The following SFMBT1 variants were observed in gnomAD, a reference collection of about 807,000 sequenced individuals.
The protein encoded by SFMBT1 is scm-like with four MBT domains protein 1.
Under a neutral mutation model 108.7 loss-of-function variants are expected in SFMBT1, and 32 were observed. The observed-to-expected ratio is 0.29, with a 90% confidence interval of 0.22 to 0.40. SFMBT1 has a LOEUF of 0.40. SFMBT1 is among the 10% of genes least tolerant of loss of function. The pLI is 1.00. For synonymous variants in SFMBT1, 348 were observed against 369.5 expected (o/e 0.94, Z 0.67); for missense variants, 816 against 1,059.6 (o/e 0.77, Z 3.19).
chr3:52,979,164 T>C (rs546579316), intron 1 of SFMBT1, among the ~76,000 whole-genome samples: 1 of 151,480 alleles, frequency 6.6e-6, no homozygotes, highest in East Asian at 1.9e-4. Flanking sequence ...TGCTTTTAAA[T>C]AACATTTCAA....
At chr3:53,019,811 A>G (rs533463285) in intron 1 of SFMBT1, among the ~76,000 whole-genome samples, 2 of 152,346 alleles carry the variant, frequency 1.3e-5, no homozygotes, top group African/African-American at 4.8e-5. Flanking sequence ...ATCATGACAC[A>G]AACCTACTTA....
At chr3:53,029,934 C>A (rs1188833811) in intron 1 of SFMBT1, among the ~76,000 whole-genome samples, 9 of 150,950 alleles carry the variant, frequency 6.0e-5, no homozygotes, top group African/African-American at 2.4e-5. Context: ...TCTACCCCCA[C>A]AAATACACTA....
chr3:52,990,163 T>C (rs768146965), intron 1 of SFMBT1, among the ~76,000 whole-genome samples: 12 of 152,166 alleles, frequency 7.9e-5, no homozygotes, highest in African/African-American at 2.9e-4. Context: ...AGGAAAAACA[T>C]CATCATAAAG....
At chr3:52,975,053 C>A in intron 1 of SFMBT1, among the ~76,000 whole-genome samples, 1 of 151,182 alleles carries the variant, frequency 6.6e-6, no homozygotes, top group Non-Finnish European at 1.5e-5. Context: ...TTTATAAACC[C>A]AACACAGGGC....
chr3:52,984,943 C>T (rs954386208), intron 1 of SFMBT1, among the ~76,000 whole-genome samples: 73 of 152,186 alleles, frequency 4.8e-4, no homozygotes, highest in African/African-American at 1.5e-3. Context: ...GATACCAAGA[C>T]GACTAAATTG....
rs200165393 is a variant in SFMBT1 at position 52,945,810 on chromosome 3, C to CAA, written c.124-2219_124-2218dup. 2.3e-3 allele frequency among the ~76,000 whole-genome samples: 258 copies of CAA among 111,844 alleles called. 1 individual carries two copies. Among genetic ancestry groups the CAA allele is most frequent in the Non-Finnish European group, 3.6e-3 (203 of 55,854 alleles). The allele number at this position is 111,844 out of a possible 152,430, so 73.4% of individuals were successfully genotyped here. The stretch of plus-strand genomic sequence containing the variant: ...TGGGCAACAGAGCGAGACTCCATCT[C>CAA]AAAAAAAAAAAAAAGAAAAAAAGAG... On this transcript the variant is annotated intron_variant, in intron 3 of 20. Coordinates refer to ENST00000394752, the MANE Select transcript of SFMBT1 (RefSeq NM_016329.4).
chr3:52,929,615 C>T (rs1702797335), intron 8 of SFMBT1, among the ~76,000 whole-genome samples: 1 of 152,226 alleles, frequency 6.6e-6, no homozygotes, highest in Admixed American at 6.5e-5. Flanking sequence ...CTTCTGGCCC[C>T]ACCTGCAGGC....
chr3:52,913,393 C>A (rs1263304751), intron 15 of SFMBT1, 85 bp downstream of exon 15: 1 of 1,503,396 alleles, frequency 6.7e-7, no homozygotes, highest in Non-Finnish European at 9.0e-7. Context: ...ACTGTCACAT[C>A]TATGGCATGT....
intron 1 of SFMBT1, among the ~76,000 whole-genome samples, chr3:53,009,112 T>C (rs1698855585): frequency 6.6e-6 from 1 of 151,282 alleles, no homozygotes; most frequent in Admixed American, 6.6e-5. Flanking sequence ...CCTGTGTCTA[T>C]AACAAGGAAG....
chr3:53,013,108 T>C (rs550756945), intron 1 of SFMBT1, among the ~76,000 whole-genome samples: 3 of 151,884 alleles, frequency 2.0e-5, no homozygotes, highest in South Asian at 2.1e-4. Flanking sequence ...CTTTAGGAAT[T>C]GTGGAGCTAC....
chr3:52,905,497 G>C (rs1032255095), intron 20 of SFMBT1, among the ~76,000 whole-genome samples: 1 of 152,154 alleles, frequency 6.6e-6, no homozygotes, highest in Non-Finnish European at 1.5e-5. Flanking sequence ...GGACAATAAA[G>C]TTTTACCAAG....
At chr3:52,917,229 T>C (rs1200866575) in intron 13 of SFMBT1, among the ~76,000 whole-genome samples, 2 of 152,256 alleles carry the variant, frequency 1.3e-5, no homozygotes, top group Non-Finnish European at 2.9e-5. Context: ...GAATTTGCTA[T>C]ATACAGAATT....
chr3:52,915,849 G>C (rs1161012574), intron 14 of SFMBT1, among the ~76,000 whole-genome samples: 2 of 152,150 alleles, frequency 1.3e-5, no homozygotes, highest in Non-Finnish European at 2.9e-5. Context: ...ACACTGCCTG[G>C]AAAACTTCAG....
chr3:52,904,995 C>T lies in SFMBT1; in HGVS notation c.*141G>A. On this transcript the variant is annotated 3_prime_UTR_variant, in exon 21 of 21. Coordinates refer to ENST00000394752, the MANE Select transcript of SFMBT1 (RefSeq NM_016329.4). ...TTTTTGCTTCCTCACTGTGAGTCCT[C>T]CTTCCCCGAAAGTGCAAAGAGAGCA... 8.6e-7 allele frequency: 1 copy of T among 1,156,088 alleles called. No individual in the cohort carries two copies. Among genetic ancestry groups the T allele is most frequent in the Non-Finnish European group, 1.2e-6 (1 of 844,090 alleles). 71.6% of individuals were successfully genotyped at this position (1,156,088 alleles called of 1,614,324 possible). A position where few individuals can be genotyped will look rare whatever the true frequency, so the allele number is the denominator to read the frequency against.
intron 1 of SFMBT1, among the ~76,000 whole-genome samples, chr3:53,029,841 C>T (rs1699621966): frequency 6.6e-6 from 1 of 152,094 alleles, no homozygotes; most frequent in Admixed American, 6.6e-5. Context: ...CTCTCCACGA[C>T]TCTCTACCTC....
chr3:53,025,239 C>T (rs563633986), intron 1 of SFMBT1, among the ~76,000 whole-genome samples: 1 of 152,254 alleles, frequency 6.6e-6, no homozygotes, highest in South Asian at 2.1e-4. Flanking sequence ...ATCTGGGAGT[C>T]CCATTCCCTT....
intron 19 of SFMBT1, 142 bp from the exon 20 acceptor site, chr3:52,906,383 A>G: frequency 8.5e-7 from 1 of 1,179,550 alleles, no homozygotes; most frequent in Non-Finnish European, 1.2e-6. Flanking sequence ...AAGATGGCAA[A>G]GACCCACGTG....
intron 4 of SFMBT1, among the ~76,000 whole-genome samples, chr3:52,942,365 T>C (rs1443402404): frequency 2.6e-5 from 4 of 152,208 alleles, no homozygotes; most frequent in Non-Finnish European, 5.9e-5. Context: ...GGAGACAAGA[T>C]AAAGTAAACA....
At chr3:52,944,528 T>A (rs762332117) in intron 3 of SFMBT1, among the ~76,000 whole-genome samples, 61 of 152,234 alleles carry the variant, frequency 4.0e-4, no homozygotes, top group Admixed American at 2.7e-3. Flanking sequence ...TTTTCTTTTT[T>A]ATTTTTTTGA....
Sources: gnomAD v4.1 joint callset for allele counts (sites outside exome capture counted in the v4.1 genomes callset) on GRCh38, gnomAD v4.1.1 for gene constraint, MANE v1.5 for transcripts, NCBI Gene and HGNC (gene_info 2026-07-23, HGNC 2026-07-21) for gene names.